XPO4: variants seen among roughly 807,000 people sequenced by gnomAD.
The protein encoded by XPO4 is exportin-4.
In XPO4, 39 loss-of-function variants were observed where a neutral mutation model predicts 143.0. That is an observed-to-expected ratio of 0.27 (90% CI 0.21 to 0.36). XPO4 has a LOEUF of 0.36. Ranked by LOEUF, XPO4 falls within the 10% of genes least tolerant of loss-of-function variation. XPO4 has a pLI of 1.00. For missense variants in XPO4, 907 were observed against 1,348.0 expected (o/e 0.67, Z 5.12); for synonymous variants, 439 against 474.0 (o/e 0.93, Z 0.96).
intron 1 of XPO4, among the ~76,000 whole-genome samples, chr13:20,886,961 T>C (rs2060466698): frequency 1.3e-5 from 2 of 152,152 alleles, no homozygotes; most frequent in South Asian, 4.2e-4. Context: ...TAATCCTAGC[T>C]ACTCGTGAGG....
intron 9 of XPO4, among the ~76,000 whole-genome samples, chr13:20,821,338 C>G (rs1254213422): frequency 6.6e-6 from 1 of 151,540 alleles, no homozygotes; most frequent in African/African-American, 2.4e-5. Context: ...CACGTAATTA[C>G]ACCACACCAC....
In XPO4 at chr13:20,808,562, T is replaced by A; in HGVS notation, c.1513A>T (p.Thr505Ser). 1 of 1,539,004 alleles carries A rather than the reference T, an allele frequency of 6.5e-7. No homozygotes were observed. Among genetic ancestry groups the A allele is most frequent in the Non-Finnish European group, 8.9e-7 (1 of 1,128,366 alleles). The change falls in exon 12 of 23, where the codon ACA becomes TCA. Residue 505 changes from threonine (T) to serine (S), a missense_variant. Coordinates refer to ENST00000255305, the MANE Select transcript of XPO4 (RefSeq NM_022459.5). ...LLTSLLEERV[T>S]RLHGQLQRHQ... Reference sequence around the variant, plus strand: ...CGTTGTAACTGACCATGGAGTCTTGTTACTCTTTCTTCTAATAAACTAAAA... The same window carrying A: ...CGTTGTAACTGACCATGGAGTCTTGATACTCTTTCTTCTAATAAACTAAAA...
At chr13:20,786,533 AAAT>A (rs1354744029) in intron 22 of XPO4, among the ~76,000 whole-genome samples, 2 of 152,118 alleles carry the variant, frequency 1.3e-5, no homozygotes, top group Non-Finnish European at 2.9e-5. Flanking sequence ...CAACAAAATG[AAAT>A]AATATACTGT....
intron 22 of XPO4, among the ~76,000 whole-genome samples, chr13:20,786,307 GTATATATATA>G (rs35172496): frequency 6.8e-6 from 1 of 147,010 alleles, no homozygotes; most frequent in Non-Finnish European, 1.5e-5. Context: ...ACGTGTGTGT[GTATATATATA>G]TATATATATA....
chr13:20,801,778 T>C (rs1190851727), intron 13 of XPO4, among the ~76,000 whole-genome samples: 1 of 151,834 alleles, frequency 6.6e-6, no homozygotes, highest in Non-Finnish European at 1.5e-5. Context: ...GAGAAAAGGA[T>C]TCTAATCACT....
chr13:20,888,516 A>T (rs1279400802), intron 1 of XPO4, among the ~76,000 whole-genome samples: 2 of 151,992 alleles, frequency 1.3e-5, no homozygotes, highest in East Asian at 3.9e-4. Context: ...ACACATGGAT[A>T]ATTTTTTATT....
intron 22 of XPO4, among the ~76,000 whole-genome samples, chr13:20,785,754 G>A (rs1040873648): frequency 6.6e-6 from 1 of 151,334 alleles, no homozygotes; most frequent in Admixed American, 6.6e-5. Flanking sequence ...GCTCTTTCCT[G>A]CAGTGTGTAA....
intron 1 of XPO4, among the ~76,000 whole-genome samples, chr13:20,871,687 T>C (rs1005932347): frequency 1.1e-4 from 17 of 152,296 alleles, no homozygotes; most frequent in African/African-American, 3.6e-4. Flanking sequence ...TTTCTTATCA[T>C]CCTTGAAAAG....
chr13:20,843,175 G>A (rs958264963), intron 5 of XPO4, 127 bp from the exon 6 acceptor site: 9 of 973,864 alleles, frequency 9.2e-6, no homozygotes, highest in Middle Eastern at 6.2e-4. Context: ...TTAAGAACGT[G>A]TTCCATTTTT....
At chr13:20,856,364 T>G (rs2060144262) in intron 3 of XPO4, 3 of 985,196 alleles carry the variant, frequency 3.0e-6, no homozygotes, top group South Asian at 9.4e-5. Flanking sequence ...GTTCTGTTCC[T>G]CCATGTGATG....
Position 20,796,947 on chromosome 13 carries a change from G to A in XPO4, c.2433C>T (p.Ala811=), listed in dbSNP as rs768236406. 1.2e-6 allele frequency: 2 copies of A among 1,613,956 alleles called. No individual in the cohort carries two copies. The highest frequency in any genetic ancestry group is 3.3e-5 in the Admixed American group (2 of 59,994). The change falls in exon 17 of 23, where the codon GCC becomes GCT. Residue 811 remains alanine, a synonymous_variant. Coordinates refer to ENST00000255305, the MANE Select transcript of XPO4 (RefSeq NM_022459.5). ...VKQEITATLE[A]LCGIAEATQI... ...GGGTAGCCTCAGCAATGCCACACAG[G>A]GCCTCTAGTGTGGCAGTGATTTCCT... is the stretch of plus-strand genomic sequence containing the variant.
intron 22 of XPO4, among the ~76,000 whole-genome samples, chr13:20,785,603 A>G (rs35410392): frequency 6.6e-6 from 1 of 150,860 alleles, no homozygotes. Context: ...AGGCCGAGGC[A>G]GGAGTTAGCA....
intron 1 of XPO4, among the ~76,000 whole-genome samples, chr13:20,879,706 G>A (rs988423658): frequency 2.0e-5 from 3 of 152,028 alleles, no homozygotes; most frequent in African/African-American, 7.2e-5. Context: ...AACCAAAAAT[G>A]TAAAAAGGAG....
chr13:20,857,057 T>C (rs2060151439), intron 3 of XPO4: 1 of 215,618 alleles, frequency 4.6e-6, no homozygotes. Context: ...AAGACTGAAG[T>C]GAAAAAACAT....
intron 1 of XPO4, among the ~76,000 whole-genome samples, chr13:20,881,225 T>C (rs1483561256): frequency 6.6e-6 from 1 of 152,162 alleles, no homozygotes; most frequent in African/African-American, 2.4e-5. Context: ...ATTTTGGTGA[T>C]AGTTACACAA....
chr13:20,821,927 TTAATA>T (rs1471511549), intron 8 of XPO4, 49 bp from the exon 9 acceptor site: 1 of 1,527,258 alleles, frequency 6.5e-7, no homozygotes, highest in Non-Finnish European at 8.9e-7. Flanking sequence ...AGAAAAATTA[TTAATA>T]TAATAACTCA....
At chr13:20,891,109 C>T in intron 1 of XPO4, among the ~76,000 whole-genome samples, 1 of 113,058 alleles carries the variant, frequency 8.8e-6, no homozygotes, top group African/African-American at 3.7e-5. Context: ...AAGAGCAAAA[C>T]TCCATCTCAA....
intron 9 of XPO4, among the ~76,000 whole-genome samples, chr13:20,814,773 G>C (rs2059627768): frequency 6.6e-6 from 1 of 152,172 alleles, no homozygotes; most frequent in Non-Finnish European, 1.5e-5. Context: ...GAGACTACTT[G>C]ACCCCACTTT....
At chr13:20,815,224 TATGATACCTTA>T (rs1361272397) in intron 9 of XPO4, among the ~76,000 whole-genome samples, 10 of 152,324 alleles carry the variant, frequency 6.6e-5, no homozygotes, top group African/African-American at 2.2e-4. Context: ...AACTACTCTG[TATGATACCTTA>T]ATGATGGACA....
Sources: allele counts gnomAD v4.1 joint callset (sites outside exome capture counted in the v4.1 genomes callset), GRCh38; gene constraint gnomAD v4.1.1; transcripts MANE v1.5; gene names NCBI Gene and HGNC (gene_info 2026-07-23, HGNC 2026-07-21).